Variants in FOXK2 observed in about 807,000 individuals in gnomAD.
The protein encoded by FOXK2 is forkhead box protein K2.
Under a neutral mutation model 53.3 loss-of-function variants are expected in FOXK2, and 24 were observed. The observed-to-expected ratio is 0.45, with a 90% CI of 0.33 to 0.63. The LOEUF (loss-of-function observed/expected upper bound fraction) is 0.63. FOXK2 is among the 30% of genes least tolerant of loss of function. FOXK2 has a pLI of 0.03. For missense variants in FOXK2, 952 were observed against 910.5 expected, an observed-to-expected ratio of 1.05 and a Z score of -0.59; for synonymous variants, 505 against 407.1, an observed-to-expected ratio of 1.24 and a Z score of -2.89.
At chr17:82,554,231 C>T (rs2044702558) in intron 1 of FOXK2, among the ~76,000 whole-genome samples, 1 of 152,164 alleles carries the variant, frequency 6.6e-6, no homozygotes, top group Admixed American at 6.6e-5. Flanking sequence ...ATATAACTCT[C>T]CTTAAAGTTG....
chr17:82,585,050 C>CTGCCCACTGGCGGTGGCCCCTGACAGCCA (rs1411272814), intron 6 of FOXK2, among the ~76,000 whole-genome samples: 2 of 152,388 alleles, frequency 1.3e-5, no homozygotes, highest in East Asian at 3.9e-4. Context: ...CAGCCCTCCC[C>CTGCCCACTGGCGGTGGCCCCTGACAGCCA]TGCCCACTGG....
chr17:82,584,633 C>G (rs929554485), intron 6 of FOXK2, among the ~76,000 whole-genome samples: 1 of 147,260 alleles, frequency 6.8e-6, no homozygotes, highest in African/African-American at 2.5e-5. Context: ...ACCTCTGCCT[C>G]CCAGGTTCAA....
chr17:82,569,942 C>T (rs922319160), intron 3 of FOXK2, among the ~76,000 whole-genome samples: 1 of 151,648 alleles, frequency 6.6e-6, no homozygotes, highest in Non-Finnish European at 1.5e-5. Context: ...AAGCGATAGG[C>T]TGGGCGCAGT....
chr17:82,520,434 A>G (rs1475560438), intron 1 of FOXK2, 127 bp downstream of exon 1: 2 of 814,304 alleles, frequency 2.5e-6, no homozygotes, highest in Non-Finnish European at 3.3e-6. Flanking sequence ...AGCCGGGACC[A>G]CCAGCGGGAC....
intron 1 of FOXK2, among the ~76,000 whole-genome samples, chr17:82,562,592 A>T (rs1253182096): frequency 1.3e-5 from 2 of 151,756 alleles, no homozygotes; most frequent in Non-Finnish European, 2.9e-5. Context: ...AAAAAAAAAA[A>T]GGAAAGGAAT....
chr17:82,564,733 G>GT (rs1421314272), intron 2 of FOXK2, among the ~76,000 whole-genome samples: 3 of 142,144 alleles, frequency 2.1e-5, no homozygotes, highest in African/African-American at 8.3e-5. Flanking sequence ...GTAGTCAAAT[G>GT]GTTTTTTTTT....
At chr17:82,536,821 C>G (rs959149040) in intron 1 of FOXK2, among the ~76,000 whole-genome samples, 9 of 152,230 alleles carry the variant, frequency 5.9e-5, no homozygotes, top group Non-Finnish European at 1.3e-4. Context: ...CTTAGGCAGT[C>G]TGTTGTATGT....
At chr17:82,573,604 A>T (rs1230017690) in intron 4 of FOXK2, among the ~76,000 whole-genome samples, 3 of 150,510 alleles carry the variant, frequency 2.0e-5, no homozygotes, top group Non-Finnish European at 4.4e-5. Context: ...ACACACAACC[A>T]GATAATAACT....
intron 4 of FOXK2, chr17:82,577,315 A>C: frequency 1.1e-6 from 1 of 944,236 alleles, no homozygotes; most frequent in Non-Finnish European, 1.7e-6. Flanking sequence ...CGTTCTCTAA[A>C]TATCCAACCA....
At chr17:82,591,633 A>C (rs1352903818) in intron 8 of FOXK2, among the ~76,000 whole-genome samples, 1 of 152,162 alleles carries the variant, frequency 6.6e-6, no homozygotes, top group Non-Finnish European at 1.5e-5. Flanking sequence ...CATTTTCTGG[A>C]AACGCTCCCA....
chr17:82,545,350 C>T (rs1369415543), intron 1 of FOXK2, among the ~76,000 whole-genome samples: 1 of 152,112 alleles, frequency 6.6e-6, no homozygotes, highest in African/African-American at 2.4e-5. Flanking sequence ...TGTACAGAGT[C>T]CTTTGTAGGA....
At chr17:82,522,806 A>AT (rs2044377487) in intron 1 of FOXK2, among the ~76,000 whole-genome samples, 1 of 151,266 alleles carries the variant, frequency 6.6e-6, no homozygotes, top group Non-Finnish European at 1.5e-5. Flanking sequence ...TTCAGACCTT[A>AT]TTTTTTTGAG....
intron 4 of FOXK2, among the ~76,000 whole-genome samples, chr17:82,574,942 G>A (rs1267699132): frequency 6.6e-6 from 1 of 152,232 alleles, no homozygotes. Context: ...TGGTACAAAA[G>A]TATTTAATAA....
chr17:82,591,988 C>T (rs1200204484), intron 8 of FOXK2, among the ~76,000 whole-genome samples: 1 of 152,196 alleles, frequency 6.6e-6, no homozygotes, highest in Non-Finnish European at 1.5e-5. Context: ...ACTGCAGCCC[C>T]GACCTACTGG....
intron 3 of FOXK2, among the ~76,000 whole-genome samples, chr17:82,570,287 G>GT (rs2044903102): frequency 6.6e-6 from 1 of 152,128 alleles, no homozygotes; most frequent in African/African-American, 2.4e-5. Context: ...GAGCTCAGGA[G>GT]TTTGAGATCA....
chr17:82,543,621 A>C (rs1438674574), intron 1 of FOXK2, among the ~76,000 whole-genome samples: 1 of 151,274 alleles, frequency 6.6e-6, no homozygotes, highest in Non-Finnish European at 1.5e-5. Flanking sequence ...GATAGGGAAG[A>C]GTCTTTCTTT....
intron 1 of FOXK2, among the ~76,000 whole-genome samples, chr17:82,535,023 ATGCC>A (rs2144059469): frequency 6.6e-6 from 1 of 152,234 alleles, no homozygotes; most frequent in African/African-American, 2.4e-5. Context: ...GGGATTACAG[ATGCC>A]TGCCACCACA....
intron 1 of FOXK2, among the ~76,000 whole-genome samples, chr17:82,526,868 T>C (rs2044423912): frequency 1.3e-5 from 2 of 149,800 alleles, no homozygotes. Flanking sequence ...AGTTGAGGCC[T>C]GGTCAGCTCT....
chr17:82,527,010 G>C (rs1029587216), intron 1 of FOXK2, among the ~76,000 whole-genome samples: 1 of 152,104 alleles, frequency 6.6e-6, no homozygotes, highest in Admixed American at 6.6e-5. Flanking sequence ...GTGTGTTTCC[G>C]TATTGAAGGG....
Sources: gnomAD v4.1 joint callset for allele counts (sites outside exome capture counted in the v4.1 genomes callset) on GRCh38, gnomAD v4.1.1 for gene constraint, MANE v1.5 for transcripts, NCBI Gene and HGNC (gene_info 2026-07-23, HGNC 2026-07-21) for gene names.